SHBG: variants seen among roughly 807,000 people sequenced by gnomAD.
SHBG encodes the protein sex hormone-binding globulin.
In SHBG, 37 loss-of-function variants were observed where a neutral mutation model predicts 41.9. The observed-to-expected ratio is 0.88, with a 90% CI of 0.68 to 1.16. SHBG has a LOEUF of 1.16. Ranked by LOEUF, SHBG falls within the 50% of genes most tolerant of loss-of-function variation. SHBG has a pLI of 0.00. For missense variants in SHBG, 466 were observed against 499.9 expected (o/e 0.93, Z 0.65); for synonymous variants, 217 against 205.8 (o/e 1.05, Z -0.47).
upstream of SHBG, among the ~76,000 whole-genome samples, chr17:7,624,379 CTGGAATTACA>C (rs2072153955): frequency 6.6e-6 from 1 of 151,892 alleles, no homozygotes; most frequent in South Asian, 2.1e-4. Flanking sequence ...TCCCAGGTAG[CTGGAATTACA>C]TGGGTGCCAC....
chr17:7,614,138 C>A, intron 1 of SHBG: 1 of 597,008 alleles, frequency 1.7e-6, no homozygotes, highest in Admixed American at 2.1e-5. Context: ...ACAACGGACA[C>A]AGTCAATTAG....
intron 1 of SHBG, among the ~76,000 whole-genome samples, chr17:7,620,709 C>T (rs2072076792): frequency 6.6e-6 from 1 of 151,884 alleles, no homozygotes; most frequent in Non-Finnish European, 1.5e-5. Context: ...CGGCTCTCTA[C>T]AACCTCTGCC....
chr17:7,632,002 A>G lies in SHBG; in HGVS notation c.839A>G (p.His280Arg), dbSNP rs1370714656. 6.2e-7 allele frequency: 1 copy of G among 1,613,608 alleles called. No individual in the cohort carries two copies. Among genetic ancestry groups the G allele is most frequent in the Non-Finnish European group, 8.5e-7 (1 of 1,179,976 alleles). ...GAGAACCCATCTTGGCTCAGTCTCC[A>G]CCTCCAAGATCAAGTAAAGGGGGAC... ...TPENPSWLSL[H>R]LQDQKVVLSS... The change falls in exon 6 of 8, where the codon CAC becomes CGC. Residue 280 changes from histidine (H) to arginine (R), a missense_variant. By Grantham distance (29) the His-to-Arg change is conservative. Coordinates refer to ENST00000380450, the MANE Select transcript of SHBG (RefSeq NM_001040.5).
upstream of SHBG, chr17:7,626,960 A>C (rs1480916859): frequency 5.6e-6 from 9 of 1,613,788 alleles, no homozygotes; most frequent in African/African-American, 2.7e-5. Flanking sequence ...TTCCGGCATC[A>C]CATAGATATC....
chr17:7,614,530 C>T (rs1029145450), intron 1 of SHBG: 13 of 1,483,482 alleles, frequency 8.8e-6, no homozygotes, highest in Middle Eastern at 3.5e-4. Context: ...CCAGGCCGCC[C>T]ATGGCGCCGC....
At chr17:7,615,692 G>T (rs188750247) in intron 1 of SHBG, among the ~76,000 whole-genome samples, 2,155 of 141,256 alleles carry the variant, frequency 0.015, 25 homozygotes, top group Non-Finnish European at 0.022. Flanking sequence ...AAATTAGCCG[G>T]GCGTGGTGAC....
upstream of SHBG, chr17:7,627,761 C>T: frequency 3.0e-6 from 3 of 1,014,974 alleles, no homozygotes; most frequent in Non-Finnish European, 4.6e-6. This position sits in a 1 kb window ranked among gnomAD's most constrained non-coding sequence, Gnocchi z 4.8. Context: ...TCGGGGGGGA[C>T]GGCGGGGTAG....
rs1251264399 is a variant in SHBG, at chr17:7,630,330, C to T, written c.111+47C>T. 6.3e-7 allele frequency: 1 copy of T among 1,591,296 alleles called. No homozygotes were observed. Among genetic ancestry groups the T allele is most frequent in the South Asian group, 1.1e-5 (1 of 90,624 alleles). ...CTCAGCTCATGCAGTCTTCCCTTCTCTCCTCTGGCCCTGTAGCAGGGCCTC... is the reference window on the plus strand; with the variant it reads ...CTCAGCTCATGCAGTCTTCCCTTCTTTCCTCTGGCCCTGTAGCAGGGCCTC... On this transcript the variant is annotated intron_variant, in intron 1 of 7. Transcript: ENST00000380450. This position sits in a 1 kb window ranked among gnomAD's most constrained non-coding sequence, Gnocchi z 4.6.
chr17:7,629,620 G>C (rs1374195087), upstream of SHBG, among the ~76,000 whole-genome samples: 1 of 152,118 alleles, frequency 6.6e-6, no homozygotes, highest in African/African-American at 2.4e-5. Flanking sequence ...CAGGCACTGT[G>C]CCTGCATTTT....
intron 4 of SHBG, 63 bp downstream of exon 4, chr17:7,631,424 C>T: frequency 1.3e-6 from 2 of 1,587,496 alleles, no homozygotes; most frequent in Non-Finnish European, 1.7e-6. Flanking sequence ...GGGTGGCTGG[C>T]CGTGGGAATC....
chr17:7,630,366 T>C lies in SHBG; in HGVS notation c.112-50T>C, dbSNP rs1468655998. ...CTGTAGCAGGGCCTCTCCCTCTGTC[T>C]GTCTCTGACATGTCCCTACTCAGCT... On this transcript the variant is annotated intron_variant, in intron 1 of 7. Transcript: ENST00000380450. The surrounding 1 kb of genome is among the most constrained non-coding windows in gnomAD (Gnocchi z 4.6). 2 of 1,593,986 alleles carry C rather than the reference T, an allele frequency of 1.3e-6. No homozygotes were observed. Among genetic ancestry groups the C allele is most frequent in the Non-Finnish European group, 8.6e-7 (1 of 1,161,720 alleles).
At chr17:7,626,788 C>T (rs763963645), upstream of SHBG, 45 of 1,614,010 alleles carry the variant, frequency 2.8e-5, no homozygotes, top group Non-Finnish European at 3.8e-5. Flanking sequence ...GAACCAATCC[C>T]TTGACCTGTT....
At chr17:7,619,711 CAA>C (rs36022075) in intron 1 of SHBG, among the ~76,000 whole-genome samples, 22 of 77,964 alleles carry the variant, frequency 2.8e-4, no homozygotes, top group African/African-American at 1.4e-4. Context: ...AACTTCGTCT[CAA>C]AAAAAAAAAA....
At chr17:7,616,084 G>A (rs115379696) in intron 1 of SHBG, among the ~76,000 whole-genome samples, 4,273 of 151,326 alleles carry the variant, frequency 0.028, 182 homozygotes, top group African/African-American at 0.098. Flanking sequence ...ACGGGCGGGC[G>A]GATCACGAGG....
At chr17:7,625,784 G>T (rs577644994), upstream of SHBG, among the ~76,000 whole-genome samples, 1 of 151,454 alleles carries the variant, frequency 6.6e-6, no homozygotes, top group East Asian at 1.9e-4. Flanking sequence ...CCAGCTACTC[G>T]GGAGTCTGAG....
chr17:7,631,998 C>T lies in SHBG; in HGVS notation c.835C>T (p.Leu279Phe). ...ACCAGAGAACCCATCTTGGCTCAGT[C>T]TCCACCTCCAAGATCAAGTAAAGGG... ...GTPENPSWLS[L>F]HLQDQKVVLS... The change falls in exon 6 of 8, where the codon CTC (leucine) becomes TTC (phenylalanine). Residue 279 changes from leucine to phenylalanine, a missense_variant. Physicochemically the swap from Leu to Phe is conservative, Grantham distance 22 (BLOSUM62 0). Coordinates refer to ENST00000380450, the MANE Select transcript of SHBG (RefSeq NM_001040.5). 2.5e-6 allele frequency: 4 copies of T among 1,613,838 alleles called. No homozygotes were observed. Among genetic ancestry groups the T allele is most frequent in the Non-Finnish European group, 3.4e-6 (4 of 1,180,016 alleles).
chr17:7,614,125 C>T (rs2071908541), intron 1 of SHBG: 1 of 570,274 alleles, frequency 1.8e-6, no homozygotes, highest in Non-Finnish European at 3.3e-6. Context: ...TGTCTTCCAC[C>T]AGACAACGGA....
intron 1 of SHBG, chr17:7,614,301 G>T: frequency 4.5e-6 from 3 of 666,180 alleles, no homozygotes; most frequent in South Asian, 3.5e-5. Context: ...ACTCTAAGCG[G>T]TCTCCCAGGG....
At chr17:7,614,615 C>T (rs1197147163) in intron 1 of SHBG, 3 of 847,918 alleles carry the variant, frequency 3.5e-6, no homozygotes, top group African/African-American at 1.8e-5. Context: ...CCGGCGTCTC[C>T]CCGGAGGAGG....
Sources: gnomAD v4.1 joint callset for allele counts (sites outside exome capture counted in the v4.1 genomes callset) on GRCh38, gnomAD v4.1.1 for gene constraint, Gnocchi (gnomAD v3.1) non-coding constraint, MANE v1.5 for transcripts, NCBI Gene and HGNC (gene_info 2026-07-23, HGNC 2026-07-21) for gene names.